The following GALNT13 variants were observed in gnomAD, a reference collection of about 807,000 sequenced individuals.
GALNT13 encodes the protein polypeptide N-acetylgalactosaminyltransferase 13, also known as UDP-GalNAc:polypeptide N-acetylgalactosaminyltransferase 13.
In GALNT13, 28 loss-of-function variants were observed where a neutral mutation model predicts 64.2. The ratio of observed to expected loss-of-function variants is 0.44; its 90% CI spans 0.32 to 0.60. GALNT13 has a LOEUF of 0.60. GALNT13 is among the 20% of genes least tolerant of loss of function. The pLI, the probability that GALNT13 is intolerant of heterozygous loss-of-function variation, is 0.05. For synonymous variants in GALNT13, 214 were observed against 224.6 expected, an observed-to-expected ratio of 0.95 and a Z score of 0.42; for missense variants, 577 against 669.8, an observed-to-expected ratio of 0.86 and a Z score of 1.53.
At chr2:153,116,960 C>T in the GALNT13 span, among the ~76,000 whole-genome samples, 146 of 151,838 alleles carry the variant, frequency 9.6e-4, no homozygotes, top group African/African-American at 8.7e-4. Flanking sequence ...CCACCACGCC[C>T]GGCTAATATT....
At chr2:153,974,118 G>T (rs1403865325) in intron 3 of GALNT13, among the ~76,000 whole-genome samples, 1 of 151,944 alleles carries the variant, frequency 6.6e-6, no homozygotes, top group Non-Finnish European at 1.5e-5. Flanking sequence ...CACACTGATG[G>T]CAGATAAATC....
intron 11 of GALNT13, among the ~76,000 whole-genome samples, chr2:154,422,695 A>C (rs1265966721): frequency 6.6e-6 from 1 of 152,192 alleles, no homozygotes; most frequent in Non-Finnish European, 1.5e-5. Context: ...TAGACAAAAA[A>C]TTCAAAGATG....
chr2:154,127,138 T>G (rs545298484), intron 3 of GALNT13, among the ~76,000 whole-genome samples: 23 of 152,208 alleles, frequency 1.5e-4, no homozygotes, highest in African/African-American at 5.1e-4. Flanking sequence ...TAACCGAAAA[T>G]TTAACAATAT....
the GALNT13 span, among the ~76,000 whole-genome samples, chr2:153,319,651 A>G: frequency 6.6e-6 from 1 of 152,120 alleles, no homozygotes; most frequent in African/African-American, 2.4e-5. Flanking sequence ...TGTGTAGTTC[A>G]TTGATATTTG....
the GALNT13 span, among the ~76,000 whole-genome samples, chr2:153,194,799 GT>G: frequency 1.7e-3 from 254 of 152,212 alleles, no homozygotes; most frequent in African/African-American, 5.9e-3. Context: ...TTTGATTCCA[GT>G]TGCACACAGT....
chr2:154,119,163 TA>T (rs2105511666), intron 3 of GALNT13, among the ~76,000 whole-genome samples: 1 of 152,286 alleles, frequency 6.6e-6, no homozygotes, highest in Non-Finnish European at 1.5e-5. Flanking sequence ...CAAAAGTTCT[TA>T]TTTCCCCATG....
intron 1 of GALNT13, among the ~76,000 whole-genome samples, chr2:153,877,025 A>G (rs762425060): frequency 6.6e-6 from 1 of 152,096 alleles, no homozygotes. Context: ...AATATCAGTT[A>G]TTAAAAATTG....
chr2:153,947,745 A>G (rs1223385792), intron 3 of GALNT13, among the ~76,000 whole-genome samples: 1 of 151,964 alleles, frequency 6.6e-6, no homozygotes, highest in African/African-American at 2.4e-5. Flanking sequence ...CTTCATCATG[A>G]AATCTTTTTC....
the GALNT13 span, among the ~76,000 whole-genome samples, chr2:153,137,963 C>T: frequency 6.6e-6 from 1 of 152,020 alleles, no homozygotes. Flanking sequence ...TCATGTACTC[C>T]TTATTCTCTG....
chr2:154,226,890 G>A (rs1204517225), intron 4 of GALNT13, among the ~76,000 whole-genome samples: 1 of 151,884 alleles, frequency 6.6e-6, no homozygotes, highest in East Asian at 1.9e-4. Context: ...ATATTTATTG[G>A]CATTAGTATA....
intron 3 of GALNT13, among the ~76,000 whole-genome samples, chr2:154,110,612 T>C (rs893140120): frequency 1.3e-5 from 2 of 151,898 alleles, no homozygotes; most frequent in Non-Finnish European, 2.9e-5. Flanking sequence ...ATTTTTCTGC[T>C]GATTTTATAT....
chr2:153,930,369 A>G (rs767001772), intron 2 of GALNT13, among the ~76,000 whole-genome samples: 58 of 152,068 alleles, frequency 3.8e-4, no homozygotes, highest in Non-Finnish European at 6.8e-4. Context: ...TTTTGTTGCA[A>G]TTGCTTTTGG....
chr2:153,070,470 G>T, the GALNT13 span, among the ~76,000 whole-genome samples: 1 of 152,092 alleles, frequency 6.6e-6, no homozygotes, highest in Admixed American at 6.6e-5. Flanking sequence ...ATGGATTTTG[G>T]TCAATAATAA....
chr2:153,386,637 C>CTT, the GALNT13 span, among the ~76,000 whole-genome samples: 3 of 152,008 alleles, frequency 2.0e-5, no homozygotes, highest in South Asian at 6.2e-4. Context: ...TTTGCTCAGA[C>CTT]TTTACTCTCC....
chr2:153,663,183 A>G, the GALNT13 span, among the ~76,000 whole-genome samples: 1 of 152,238 alleles, frequency 6.6e-6, no homozygotes, highest in South Asian at 2.1e-4. Context: ...GTTTCAGTAG[A>G]CATACTTAAT....
chr2:153,895,753 C>G (rs762605734), intron 1 of GALNT13, among the ~76,000 whole-genome samples: 3 of 151,994 alleles, frequency 2.0e-5, no homozygotes, highest in Non-Finnish European at 4.4e-5. Context: ...ACCCAGAAAT[C>G]CCAGTTCTGG....
At chr2:153,304,334 A>T in the GALNT13 span, among the ~76,000 whole-genome samples, 1 of 152,080 alleles carries the variant, frequency 6.6e-6, no homozygotes, top group Non-Finnish European at 1.5e-5. Flanking sequence ...GATTCCACCT[A>T]TAGATGAACT....
chr2:153,315,847 A>T, the GALNT13 span, among the ~76,000 whole-genome samples: 2 of 152,204 alleles, frequency 1.3e-5, no homozygotes, highest in African/African-American at 4.8e-5. Flanking sequence ...CTTCTTATTC[A>T]TATTAAAACA....
intron 9 of GALNT13, among the ~76,000 whole-genome samples, chr2:154,357,269 T>C (rs963548795): frequency 2.0e-5 from 3 of 152,096 alleles, no homozygotes; most frequent in Admixed American, 2.0e-4. Context: ...GGATGACTTA[T>C]TTGGGGCAAT....
Sources: allele counts gnomAD v4.1 joint callset (sites outside exome capture counted in the v4.1 genomes callset), GRCh38; gene constraint gnomAD v4.1.1; transcripts MANE v1.5; gene names NCBI Gene and HGNC (gene_info 2026-07-23, HGNC 2026-07-21).